DNAAF4: variants seen among roughly 807,000 people sequenced by gnomAD.
DNAAF4 encodes the protein dynein assembly factor 4, axonemal.
A neutral mutation model predicts 51.8 loss-of-function variants in DNAAF4; 43 were observed. The ratio of observed to expected loss-of-function variants is 0.83; its 90% CI spans 0.65 to 1.07. The LOEUF (loss-of-function observed/expected upper bound fraction) is 1.07. Ranked by LOEUF, DNAAF4 falls within the 50% of genes least tolerant of loss-of-function variation. The pLI is 0.00. For missense variants in DNAAF4, 581 were observed against 493.0 expected, an observed-to-expected ratio of 1.18 and a Z score of -1.69; for synonymous variants, 194 against 165.6, an observed-to-expected ratio of 1.17 and a Z score of -1.32.
At position 55,498,388 on chromosome 15, in the gene DNAAF4, T is replaced by C; in HGVS notation, c.-59A>G. ...TTGCTTCTTGCGCCTGCTTGGTTGC[T>C]AGGGAAGCTGGGGTTACCATGCGCC... is the stretch of plus-strand genomic sequence containing the variant. On this transcript the variant is annotated 5_prime_UTR_variant, in exon 2 of 10. Coordinates refer to ENST00000321149, the MANE Select transcript of DNAAF4 (RefSeq NM_130810.4). 1 of 1,572,426 alleles carries C rather than the reference T, an allele frequency of 6.4e-7. No homozygotes were observed. Among genetic ancestry groups the C allele is most frequent in the Non-Finnish European group, 8.6e-7 (1 of 1,156,088 alleles).
intron 4 of DNAAF4, among the ~76,000 whole-genome samples, chr15:55,480,503 C>T (rs766551556): frequency 1.3e-5 from 2 of 152,102 alleles, no homozygotes; most frequent in East Asian, 3.9e-4. Context: ...TTCCTACTTA[C>T]GTTTACTAGC....
intron 8 of DNAAF4, 64 bp downstream of exon 8, chr15:55,434,841 C>A: frequency 7.8e-7 from 1 of 1,279,740 alleles, no homozygotes; most frequent in Admixed American, 2.8e-5. Flanking sequence ...AAAAGATCAT[C>A]ATTTAAACCA....
At chr15:55,489,641 C>A (rs1284574534) in intron 4 of DNAAF4, among the ~76,000 whole-genome samples, 6 of 145,856 alleles carry the variant, frequency 4.1e-5, no homozygotes, top group African/African-American at 1.5e-4. Context: ...CACCACTGCA[C>A]TCCAGCCTGG....
At chr15:55,428,875 TAA>T (rs2057458306), downstream of DNAAF4, among the ~76,000 whole-genome samples, 2 of 152,090 alleles carry the variant, frequency 1.3e-5, no homozygotes, top group Admixed American at 6.6e-5. Flanking sequence ...AATCTTTATA[TAA>T]GATGCTGCTT....
At chr15:55,468,713 T>C (rs1245636754) in intron 4 of DNAAF4, among the ~76,000 whole-genome samples, 1 of 152,202 alleles carries the variant, frequency 6.6e-6, no homozygotes, top group Non-Finnish European at 1.5e-5. Context: ...GAATGAATTT[T>C]ACATGAAGTT....
intron 6 of DNAAF4, chr15:55,443,358 G>T: frequency 1.3e-6 from 1 of 777,408 alleles, no homozygotes; most frequent in South Asian, 1.7e-5. Flanking sequence ...TCCTCAGCAT[G>T]GCTCAGGGCC....
chr15:55,484,481 T>C (rs983457072), intron 4 of DNAAF4, among the ~76,000 whole-genome samples: 1 of 145,328 alleles, frequency 6.9e-6, no homozygotes, highest in African/African-American at 2.6e-5. Context: ...TGAGACTCCG[T>C]CTCAGGAAAA....
intron 4 of DNAAF4, among the ~76,000 whole-genome samples, chr15:55,483,790 T>G: frequency 7.2e-6 from 1 of 139,228 alleles, no homozygotes; most frequent in Admixed American, 8.0e-5. Context: ...CCTCCCAAAG[T>G]GCTGGGATTA....
intron 6 of DNAAF4, among the ~76,000 whole-genome samples, chr15:55,445,094 G>A (rs1474127081): frequency 6.8e-6 from 1 of 147,650 alleles, no homozygotes; most frequent in African/African-American, 2.5e-5. Context: ...CAGAGAGGGG[G>A]ATGTGGCAGG....
At chr15:55,499,116 G>T (rs546762128) in intron 1 of DNAAF4, among the ~76,000 whole-genome samples, 2 of 152,224 alleles carry the variant, frequency 1.3e-5, no homozygotes, top group Non-Finnish European at 2.9e-5. Flanking sequence ...TAGTTGTTCT[G>T]TTTTGCAAAT....
intron 1 of DNAAF4, among the ~76,000 whole-genome samples, chr15:55,499,833 A>T (rs973413991): frequency 2.6e-5 from 4 of 152,222 alleles, no homozygotes; most frequent in Admixed American, 1.3e-4. Context: ...ATATTTAAGG[A>T]ATCTGAAACC....
chr15:55,498,333 G>C lies in DNAAF4; in HGVS notation c.-4C>G, dbSNP rs200602471. On this transcript the variant is annotated 5_prime_UTR_variant, in exon 2 of 10. Coordinates refer to ENST00000321149, the MANE Select transcript of DNAAF4 (RefSeq NM_130810.4). ...AATCGCTAACCTGAAGAGGCATTCCGGTAGCAACGGGAGCGGATAGCGCGG... is the reference window on the plus strand; with the variant it reads ...AATCGCTAACCTGAAGAGGCATTCCCGTAGCAACGGGAGCGGATAGCGCGG... 4 of 1,598,610 alleles carry C rather than the reference G, an allele frequency of 2.5e-6. No homozygotes were observed. The highest frequency in any genetic ancestry group is 2.6e-6 in the Non-Finnish European group (3 of 1,171,082).
At chr15:55,495,827 G>A (rs980298128) in intron 3 of DNAAF4, among the ~76,000 whole-genome samples, 2 of 152,120 alleles carry the variant, frequency 1.3e-5, no homozygotes, top group African/African-American at 4.8e-5. Flanking sequence ...GAGGAAAACA[G>A]GGCTAAAGCA....
intron 7 of DNAAF4, chr15:55,418,561 C>T (rs1396294220): frequency 4.8e-6 from 7 of 1,454,738 alleles, no homozygotes; most frequent in Admixed American, 4.3e-5. Context: ...ATATTCAACA[C>T]ACTCTATGAA....
intron 7 of DNAAF4, 60 bp downstream of exon 7, chr15:55,439,412 T>C: frequency 2.1e-6 from 3 of 1,431,084 alleles, no homozygotes; most frequent in South Asian, 2.3e-5. Context: ...ACTCGTCCTA[T>C]GATAACTGCT....
intron 1 of DNAAF4, among the ~76,000 whole-genome samples, chr15:55,506,536 A>G (rs1273116125): frequency 6.6e-6 from 1 of 152,184 alleles, no homozygotes; most frequent in Non-Finnish European, 1.5e-5. Context: ...AAGTGTCTCC[A>G]GACATTGCCA....
chr15:55,433,858 AAT>A (rs1315335513), intron 8 of DNAAF4, among the ~76,000 whole-genome samples: 2 of 45,092 alleles, frequency 4.4e-5, no homozygotes, highest in African/African-American at 1.6e-4. Context: ...TATATATTAT[AAT>A]ATATATTATA....
At chr15:55,459,006 T>G (rs1394271149) in intron 5 of DNAAF4, among the ~76,000 whole-genome samples, 6 of 150,106 alleles carry the variant, frequency 4.0e-5, no homozygotes, top group Non-Finnish European at 5.9e-5. Flanking sequence ...AACCCGGGAG[T>G]TGGAGGTTGC....
downstream of DNAAF4, among the ~76,000 whole-genome samples, chr15:55,427,956 C>T (rs1259746593): frequency 6.7e-6 from 1 of 150,260 alleles, no homozygotes; most frequent in Non-Finnish European, 1.5e-5. Context: ...GACTTCTAAA[C>T]CGTAATTTTT....
Sources: gnomAD v4.1 joint callset for allele counts (sites outside exome capture counted in the v4.1 genomes callset) on GRCh38, gnomAD v4.1.1 for gene constraint, MANE v1.5 for transcripts, NCBI Gene and HGNC (gene_info 2026-07-23, HGNC 2026-07-21) for gene names.